The following NR1H4 variants were observed in gnomAD, a reference collection of about 807,000 sequenced individuals.
NR1H4 encodes bile acid receptor.
NR1H4 carries 23 observed loss-of-function variants against 58.5 expected under a neutral mutation model. The ratio of observed to expected loss-of-function variants is 0.39; its 90% CI spans 0.28 to 0.56. NR1H4 has a LOEUF of 0.56. Ranked by LOEUF, NR1H4 falls within the 20% of genes least tolerant of loss-of-function variation. The probability of loss-of-function intolerance (pLI) is 0.58; values close to 1 mark genes in which losing one functional copy is unlikely to be tolerated. For missense variants in NR1H4, 487 were observed against 576.9 expected (o/e 0.84, Z 1.60); for synonymous variants, 214 against 198.0 (o/e 1.08, Z -0.68).
chr12:100,526,734 A>G (rs1038106040), intron 4 of NR1H4, among the ~76,000 whole-genome samples: 3 of 152,118 alleles, frequency 2.0e-5, no homozygotes, highest in African/African-American at 7.2e-5. Context: ...ATCATTAGAG[A>G]TCTGTCACTC....
chr12:100,560,519 C>T (rs1955445358), intron 9 of NR1H4, among the ~76,000 whole-genome samples: 1 of 152,140 alleles, frequency 6.6e-6, no homozygotes. Flanking sequence ...CCGCAAAGGT[C>T]TGCAGCTTCA....
At chr12:100,538,185 C>T (rs1954856769) in intron 8 of NR1H4, among the ~76,000 whole-genome samples, 1 of 151,802 alleles carries the variant, frequency 6.6e-6, no homozygotes, top group Non-Finnish European at 1.5e-5. Context: ...AATCTGTGTA[C>T]CCTGGACAGT....
chr12:100,534,952 G>A lies in NR1H4; in HGVS notation c.661G>A (p.Asp221Asn), dbSNP rs746732391. 2 of 1,614,230 alleles carry A rather than the reference G, an allele frequency of 1.2e-6. No homozygotes were observed. The highest frequency in any genetic ancestry group is 1.7e-5 in the Admixed American group (1 of 60,026). The part of the protein sequence containing the change: ...RLRKNVKQHA[D>N]QTVNEDSEGR... ...GAGAAAAAATGTGAAGCAGCATGCA[G>A]ATCAGACCGTGAATGAAGACAGTGA... is the stretch of plus-strand genomic sequence containing the variant. The change falls in exon 6 of 11, where the codon GAT (aspartate) becomes AAT (asparagine). Residue 221 changes from aspartate to asparagine, a missense_variant. Coordinates refer to ENST00000392986, the MANE Select transcript of NR1H4 (RefSeq NM_001206979.2).
chr12:100,517,874 A>G (rs1954306885), intron 4 of NR1H4, among the ~76,000 whole-genome samples: 1 of 152,212 alleles, frequency 6.6e-6, no homozygotes, highest in Admixed American at 6.5e-5. Context: ...CTTCAAAACT[A>G]TAGCTTATAA....
intron 1 of NR1H4, among the ~76,000 whole-genome samples, chr12:100,475,707 A>G (rs1953254190): frequency 6.6e-6 from 1 of 152,104 alleles, no homozygotes; most frequent in African/African-American, 2.4e-5. Flanking sequence ...CCTTCTCACA[A>G]AAACCCTGTA....
At chr12:100,505,814 A>T in intron 3 of NR1H4, 2 of 477,048 alleles carry the variant, frequency 4.2e-6, no homozygotes, top group Admixed American at 3.6e-5. Flanking sequence ...AACTACCTCT[A>T]CTCCCTCCAC....
rs139813615 is a variant in NR1H4, at chr12:100,475,328, G to A, written c.-190+1269G>A. 4.9e-3 allele frequency among the ~76,000 whole-genome samples: 739 copies of A among 152,142 alleles called. 4 individuals are homozygous for A. Among genetic ancestry groups the A allele is most frequent in the Non-Finnish European group, 8.8e-3 (600 of 68,002 alleles). ...ATTATGGATCTGTGCCATTTGTACCGTGGACTTTTCTGTTTTCTGAGGATG... is the reference window on the plus strand; with the variant it reads ...ATTATGGATCTGTGCCATTTGTACCATGGACTTTTCTGTTTTCTGAGGATG... On this transcript the variant is annotated intron_variant, in intron 1 of 10. Transcript: ENST00000392986.
At chr12:100,522,757 C>G (rs1026882021) in intron 4 of NR1H4, among the ~76,000 whole-genome samples, 1 of 152,044 alleles carries the variant, frequency 6.6e-6, no homozygotes, top group East Asian at 1.9e-4. Context: ...CTCTGTATAC[C>G]TTTGCTTACT....
intron 8 of NR1H4, among the ~76,000 whole-genome samples, chr12:100,537,619 T>A (rs981238695): frequency 6.6e-6 from 1 of 152,182 alleles, no homozygotes; most frequent in Non-Finnish European, 1.5e-5. Context: ...TCAGGGAGGA[T>A]CATATTTGAG....
intron 1 of NR1H4, among the ~76,000 whole-genome samples, chr12:100,475,124 C>T (rs375282457): frequency 5.6e-5 from 8 of 143,086 alleles, no homozygotes; most frequent in Non-Finnish European, 1.1e-4. Flanking sequence ...AAGTGGTTTA[C>T]CTATCTATCT....
chr12:100,543,944 G>A (rs1453037332), intron 9 of NR1H4, among the ~76,000 whole-genome samples: 7 of 152,118 alleles, frequency 4.6e-5, no homozygotes, highest in Non-Finnish European at 5.9e-5. Flanking sequence ...GGACTGTGGC[G>A]GTGCTCCCTT....
At chr12:100,478,777 G>A (rs995553481) in intron 1 of NR1H4, among the ~76,000 whole-genome samples, 1 of 152,088 alleles carries the variant, frequency 6.6e-6, no homozygotes, top group African/African-American at 2.4e-5. Flanking sequence ...CTCCAGGAAA[G>A]ATACCTAGGA....
intron 3 of NR1H4, among the ~76,000 whole-genome samples, chr12:100,509,843 C>T (rs573030155): frequency 6.6e-6 from 1 of 152,224 alleles, no homozygotes; most frequent in East Asian, 1.9e-4. Context: ...AAAATATCAC[C>T]TCTCACAGTC....
intron 4 of NR1H4, among the ~76,000 whole-genome samples, chr12:100,524,851 A>T (rs963089243): frequency 1.3e-5 from 2 of 152,238 alleles, no homozygotes; most frequent in Non-Finnish European, 1.5e-5. Flanking sequence ...AACATGGAAG[A>T]AAAAAAGAAG....
chr12:100,540,904 A>G lies in NR1H4; in HGVS notation c.1078+86A>G, dbSNP rs985849877. On this transcript the variant is annotated intron_variant, in intron 9 of 10. Transcript: ENST00000392986. ...TGAGGGTGGGGCTCTTGCCAATCTT[A>G]TGCAATGTTATATGCCTGTTGTGCC... is the stretch of plus-strand genomic sequence containing the variant. The G allele has an allele frequency of 3.9e-6, 5 of 1,275,620 alleles. No homozygotes were observed. The Admixed American group carries it at 8.5e-5, about 22-fold the overall frequency. 79.0% of individuals were successfully genotyped at this position (1,275,620 alleles called of 1,614,324 possible). A position where few individuals can be genotyped will look rare whatever the true frequency, so the allele number is the denominator to read the frequency against.
chr12:100,532,516 C>T lies in NR1H4; in HGVS notation c.504C>T (p.Asn168=), dbSNP rs1447843491. The T allele has an allele frequency of 6.2e-7, 1 of 1,614,048 alleles. No individual in the cohort carries two copies. Among genetic ancestry groups the T allele is most frequent in the Non-Finnish European group, 8.5e-7 (1 of 1,179,928 alleles). Residue 168 remains asparagine, a synonymous_variant, in exon 5 of 11, where the codon AAC becomes AAT. Transcript: ENST00000392986. ...TGTACAAGTGTAAAAACGGGGGCAA[C>T]TGTGTGATGGATATGTACATGCGAA... The part of the protein sequence containing the change: ...NAVYKCKNGG[N]CVMDMYMRRK...
intron 4 of NR1H4, among the ~76,000 whole-genome samples, chr12:100,526,092 A>G (rs558821547): frequency 6.6e-6 from 1 of 151,472 alleles, no homozygotes; most frequent in South Asian, 2.1e-4. Context: ...GACTCTATTA[A>G]TTTTTATTGA....
intron 8 of NR1H4, among the ~76,000 whole-genome samples, chr12:100,539,408 G>A (rs1954886462): frequency 6.6e-6 from 1 of 152,138 alleles, no homozygotes; most frequent in South Asian, 2.1e-4. Context: ...TGTCCAAGGT[G>A]CTGGAGTCCC....
At position 100,545,374 on chromosome 12, in the gene NR1H4, T is replaced by C. The variant is rs778137884; in HGVS notation, c.1078+4556T>C. ...CATATATAAGGCTGAGCATGCTGAC[T>C]CACACCTACAATCCCAGCACTTTGG... On this transcript the variant is annotated intron_variant, in intron 9 of 10. Transcript: ENST00000392986. 6.6e-5 allele frequency among the ~76,000 whole-genome samples: 10 copies of C among 152,044 alleles called. 1 individual carries two copies. Among genetic ancestry groups the C allele is most frequent in the Non-Finnish European group, 1.5e-4 (10 of 68,000 alleles).
Sources: gnomAD v4.1 joint callset for allele counts (sites outside exome capture counted in the v4.1 genomes callset) on GRCh38, gnomAD v4.1.1 for gene constraint, MANE v1.5 for transcripts, NCBI Gene and HGNC (gene_info 2026-07-23, HGNC 2026-07-21) for gene names.